Variants in UCN3 observed in about 807,000 individuals in gnomAD.
UCN3 encodes the protein urocortin-3.
In UCN3, 3 loss-of-function variants were observed where a neutral mutation model predicts 3.6. The observed-to-expected ratio is 0.83, with a 90% CI of 0.38 to 2.15. UCN3 has a LOEUF of 2.15. Ranked by LOEUF, UCN3 falls within the 30% of genes most tolerant of loss-of-function variation. UCN3 has a pLI of 0.06. For missense variants in UCN3, 206 were observed against 208.3 expected, an observed-to-expected ratio of 0.99 and a Z score of 0.07; for synonymous variants, 100 against 93.2, an observed-to-expected ratio of 1.07 and a Z score of -0.42.
chr10:5,372,359 A>T (rs1185889776), intron 1 of UCN3, among the ~76,000 whole-genome samples: 1 of 152,160 alleles, frequency 6.6e-6, no homozygotes, highest in Admixed American at 6.5e-5. Flanking sequence ...GCCCGGCGGG[A>T]GGGTGCAGGT....
intron 1 of UCN3, among the ~76,000 whole-genome samples, chr10:5,371,408 GTA>G (rs1249927605): frequency 4.6e-5 from 7 of 151,888 alleles, no homozygotes; most frequent in Non-Finnish European, 8.8e-5. Flanking sequence ...GTACCTGTTT[GTA>G]TGTGTGCTTG....
intron 1 of UCN3, among the ~76,000 whole-genome samples, chr10:5,370,513 ATGTGTGTGTATGTG>A (rs1201330592): frequency 8.3e-5 from 5 of 60,456 alleles, no homozygotes; most frequent in East Asian, 9.3e-4. Flanking sequence ...GCGTGTGTAT[ATGTGTGTGTATGTG>A]TGTGTGTATA....
At chr10:5,369,702 C>T (rs1383787950) in intron 1 of UCN3, among the ~76,000 whole-genome samples, 1 of 152,130 alleles carries the variant, frequency 6.6e-6, no homozygotes, top group African/African-American at 2.4e-5. Context: ...AATAAGCTCT[C>T]AAAATTTTTG....
chr10:5,369,918 T>TGC (rs1831321453), intron 1 of UCN3, among the ~76,000 whole-genome samples: 1 of 122,462 alleles, frequency 8.2e-6, no homozygotes. Context: ...TGTGTATATG[T>TGC]GTGTGTATGT....
In UCN3 at chr10:5,370,838, C is replaced by T. The variant is rs797033844; in HGVS notation, c.-6-2877C>T. Among the ~76,000 whole-genome samples the T allele has an allele frequency of 2.1e-3, 76 of 35,654 alleles. 8 individuals are homozygous for T. Among genetic ancestry groups the T allele is most frequent in the East Asian group, 0.013 (10 of 788 alleles). The allele number at this position is 35,654 out of a possible 152,430, so 23.4% of individuals were successfully genotyped here. A position where few individuals can be genotyped will look rare whatever the true frequency, so the allele number is the denominator to read the frequency against. On this transcript the variant is annotated intron_variant, in intron 1 of 1. Coordinates refer to ENST00000380433, the MANE Select transcript of UCN3 (RefSeq NM_053049.4). ...GCGTGTGTGTGCGCGCGTGTGTGTG[C>T]GCGTGTGTGTGCGCGTGTGTGTGCG...
intron 1 of UCN3, among the ~76,000 whole-genome samples, chr10:5,371,590 T>TCCACTGCA (rs782130076): frequency 1.3e-5 from 2 of 152,038 alleles, no homozygotes; most frequent in Non-Finnish European, 2.9e-5. Context: ...TTGGGTTGGG[T>TCCACTGCA]CCACTGCACT....
At position 5,370,631 on chromosome 10, in the gene UCN3, GTA is replaced by G. The variant is rs1171744039; in HGVS notation, c.-6-3082_-6-3081del. 5.2e-4 allele frequency among the ~76,000 whole-genome samples: 45 copies of G among 87,230 alleles called. 5 individuals carry two copies. The highest frequency in any genetic ancestry group is 1.2e-3 in the African/African-American group (26 of 21,666). The allele number at this position is 87,230 out of a possible 152,430, so 57.2% of individuals were successfully genotyped here. On this transcript the variant is annotated intron_variant, in intron 1 of 1. Coordinates refer to ENST00000380433, the MANE Select transcript of UCN3 (RefSeq NM_053049.4). ...TGTGTATATGCGTGTATATGCGTGTGTATGTGTGTGTATATGTGTGTGTATGT... is the reference window on the plus strand; with the variant it reads ...TGTGTATATGCGTGTATATGCGTGTGTGTGTGTGTATATGTGTGTGTATGT...
In UCN3 at chr10:5,365,790, A is replaced by G. The variant is rs1480507743; in HGVS notation, c.-7+560A>G. 6.6e-6 allele frequency among the ~76,000 whole-genome samples: 1 copy of G among 152,176 alleles called. No homozygotes were observed. The highest frequency in any genetic ancestry group is 1.9e-4 in the East Asian group (1 of 5,180). ...GAAATGCAGGTTAAGGGATTCACCC[A>G]AGAAAAGTCAGAGGCAAGGGAGTTT... On this transcript the variant is annotated intron_variant, in intron 1 of 1. Coordinates refer to ENST00000380433, the MANE Select transcript of UCN3 (RefSeq NM_053049.4). This position sits in a 1 kb window ranked among gnomAD's most constrained non-coding sequence, Gnocchi z 4.4.
chr10:5,370,385 ATGCGTGTGTATATGTGTGTGTATATG>A (rs1564442859), intron 1 of UCN3, among the ~76,000 whole-genome samples: 13 of 53,900 alleles, frequency 2.4e-4, no homozygotes, highest in East Asian at 6.9e-4. Context: ...ATGCGTGTAT[ATGCGTGTGTATATGTGTGTGTATATG>A]TGTGTGTGTA....
chr10:5,370,209 GTA>G (rs1258788344), intron 1 of UCN3, among the ~76,000 whole-genome samples: 2 of 20,490 alleles, frequency 9.8e-5, no homozygotes, highest in Non-Finnish European at 1.7e-4. Flanking sequence ...ATATGCGTGT[GTA>G]TGTGTGTGTA....
At chr10:5,370,170 TGTGTATATGC>T (rs1554811130) in intron 1 of UCN3, among the ~76,000 whole-genome samples, 1 of 115,380 alleles carries the variant, frequency 8.7e-6, no homozygotes. Context: ...TGTATATGTG[TGTGTATATGC>T]GTGTGTATAT....
rs751755945 is a variant in UCN3 at position 5,367,052 on chromosome 10, AC to A, written c.-7+1826del. Among the ~76,000 whole-genome samples the A allele has an allele frequency of 2.0e-5, 3 of 152,162 alleles. No individual in the cohort carries two copies. Among genetic ancestry groups the A allele is most frequent in the Non-Finnish European group, 4.4e-5 (3 of 68,026 alleles). ...TAAAAGGCACAGTATTTACAAATTG[AC>A]CCCAAAAATGTGAAAAAGTAAATAT... On this transcript the variant is annotated intron_variant, in intron 1 of 1. Transcript: ENST00000380433. This position sits in a 1 kb window ranked among gnomAD's most constrained non-coding sequence, Gnocchi z 4.3.
rs782267547 is a variant in UCN3 at position 5,370,076 on chromosome 10, TGC to T, written c.-6-3637_-6-3636del. 4.8e-4 allele frequency among the ~76,000 whole-genome samples: 55 copies of T among 114,598 alleles called. 3 individuals carry two copies. Among genetic ancestry groups the T allele is most frequent in the African/African-American group, 1.3e-3 (35 of 27,660 alleles). The allele number at this position is 114,598 out of a possible 152,430, so 75.2% of individuals were successfully genotyped here. A position where few individuals can be genotyped will look rare whatever the true frequency, so the allele number is the denominator to read the frequency against. On this transcript the variant is annotated intron_variant, in intron 1 of 1. Coordinates refer to ENST00000380433, the MANE Select transcript of UCN3 (RefSeq NM_053049.4). ...GTATGTGTGTGTATATGTGTGTATATGCGTGTGTATATGCGTGTGTATATGCG... is the reference window on the plus strand; with the variant it reads ...GTATGTGTGTGTATATGTGTGTATATGTGTGTATATGCGTGTGTATATGCG...
intron 1 of UCN3, among the ~76,000 whole-genome samples, chr10:5,371,514 C>G (rs1445623770): frequency 6.6e-6 from 1 of 152,108 alleles, no homozygotes; most frequent in African/African-American, 2.4e-5. Flanking sequence ...GAGACCCAGG[C>G]TCCCTTTGCT....
chr10:5,368,880 C>T (rs2119098212), intron 1 of UCN3, among the ~76,000 whole-genome samples: 1 of 152,274 alleles, frequency 6.6e-6, no homozygotes, highest in South Asian at 2.1e-4. Flanking sequence ...CTCCGGGGTA[C>T]AGCTCTAAGG....
chr10:5,373,834 C>A lies in UCN3; in HGVS notation c.114C>A (p.Thr38=). 1.2e-6 allele frequency: 2 copies of A among 1,614,066 alleles called. No individual in the cohort carries two copies. Among genetic ancestry groups the A allele is most frequent in the Non-Finnish European group, 1.7e-6 (2 of 1,179,982 alleles). Residue 38 remains threonine, a synonymous_variant, in exon 2 of 2, where the codon ACC becomes ACA. Coordinates refer to ENST00000380433, the MANE Select transcript of UCN3 (RefSeq NM_053049.4). ...KAKPIFSCLN[T]ALSEAEKGQW... ...AGCCCATCTTCAGCTGCCTCAACACCGCCCTGTCTGAGGCTGAGAAGGGCC... is the reference window on the plus strand; with the variant it reads ...AGCCCATCTTCAGCTGCCTCAACACAGCCCTGTCTGAGGCTGAGAAGGGCC...
rs868930829 is a variant in UCN3, at chr10:5,370,063, A to G, written c.-6-3652A>G. ...TGTATATGCGTGTGTATGTGTGTGTATATGTGTGTATATGCGTGTGTATAT... is the reference window on the plus strand; with the variant it reads ...TGTATATGCGTGTGTATGTGTGTGTGTATGTGTGTATATGCGTGTGTATAT... On this transcript the variant is annotated intron_variant, in intron 1 of 1. Coordinates refer to ENST00000380433, the MANE Select transcript of UCN3 (RefSeq NM_053049.4). 2.2e-3 allele frequency among the ~76,000 whole-genome samples: 92 copies of G among 42,048 alleles called. 2 individuals are homozygous for G. The highest frequency in any genetic ancestry group is 3.0e-3 in the East Asian group (3 of 1,002). 27.6% of individuals were successfully genotyped at this position (42,048 alleles called of 152,430 possible).
At chr10:5,370,235 A>ATG (rs1831349755) in intron 1 of UCN3, among the ~76,000 whole-genome samples, 1 of 53,040 alleles carries the variant, frequency 1.9e-5, no homozygotes. Flanking sequence ...GCGTGTGTGT[A>ATG]TGCGTGTGTG....
intron 1 of UCN3, among the ~76,000 whole-genome samples, chr10:5,369,729 GAACA>G (rs1472679891): frequency 6.6e-6 from 1 of 152,076 alleles, no homozygotes; most frequent in Non-Finnish European, 1.5e-5. Flanking sequence ...AAAATAAATG[GAACA>G]AACAAAGCAA....
Sources: gnomAD v4.1 joint callset for allele counts (sites outside exome capture counted in the v4.1 genomes callset) on GRCh38, gnomAD v4.1.1 for gene constraint, Gnocchi (gnomAD v3.1) non-coding constraint, MANE v1.5 for transcripts, NCBI Gene and HGNC (gene_info 2026-07-23, HGNC 2026-07-21) for gene names.